Variants in FRY observed in about 807,000 individuals in gnomAD.
FRY encodes the protein protein furry homolog.
A neutral mutation model predicts 348.4 loss-of-function variants in FRY; 128 were observed. That is an observed-to-expected ratio of 0.37 (90% CI 0.32 to 0.43). The LOEUF is 0.43. FRY is among the 20% of genes least tolerant of loss of function. The pLI is 1.00. For missense variants in FRY, 2,736 were observed against 3,695.2 expected (o/e 0.74, Z 6.73); for synonymous variants, 1,370 against 1,374.7 (o/e 1.00, Z 0.08).
intron 35 of FRY, 79 bp downstream of exon 35, chr13:32,212,461 G>C (rs1212130334): frequency 3.3e-6 from 3 of 900,082 alleles, no homozygotes; most frequent in East Asian, 5.3e-5. Flanking sequence ...CAGGTTTGTG[G>C]AGTTTCATAA....
At chr13:32,034,354 G>C (rs982086010) in intron 1 of FRY, among the ~76,000 whole-genome samples, 1 of 152,134 alleles carries the variant, frequency 6.6e-6, no homozygotes, top group African/African-American at 2.4e-5. Flanking sequence ...CCAATAAATA[G>C]ATCAGTCGCT....
At chr13:32,269,081 G>C (rs1888087394) in intron 55 of FRY, among the ~76,000 whole-genome samples, 1 of 152,132 alleles carries the variant, frequency 6.6e-6, no homozygotes, top group African/African-American at 2.4e-5. Flanking sequence ...CAATAATTTA[G>C]TTGGACTGAG....
At chr13:32,048,704 T>C (rs1873159509) in intron 1 of FRY, among the ~76,000 whole-genome samples, 1 of 152,208 alleles carries the variant, frequency 6.6e-6, no homozygotes, top group African/African-American at 2.4e-5. Flanking sequence ...TTTAATTCTT[T>C]ACTCACAAGG....
In FRY at chr13:32,173,409, G is replaced by T; in HGVS notation, c.2194G>T (p.Gly732Cys). The change falls in exon 19 of 61, where the codon GGT (glycine) becomes TGT (cysteine). Residue 732 changes from glycine (G) to cysteine (C), a missense_variant. Gly to Cys is a radical substitution (Grantham distance 159, BLOSUM62 -3). Transcript: ENST00000542859. ...CAGTCACAGAATTCAGTCGGAACGAGGTCCCCACTGCAGTGTACTCCACGC... is the reference window on the plus strand; with the variant it reads ...CAGTCACAGAATTCAGTCGGAACGATGTCCCCACTGCAGTGTACTCCACGC... The part of the protein sequence containing the change: ...GSSHRIQSER[G>C]PHCSVLHAVE... 6.2e-7 allele frequency: 1 copy of T among 1,612,358 alleles called. No homozygotes were observed. Among genetic ancestry groups the T allele is most frequent in the Non-Finnish European group, 8.5e-7 (1 of 1,179,762 alleles).
At chr13:32,035,472 G>A (rs1333657304) in intron 1 of FRY, among the ~76,000 whole-genome samples, 3 of 152,164 alleles carry the variant, frequency 2.0e-5, no homozygotes, top group Non-Finnish European at 2.9e-5. Context: ...AGGTTTGCTA[G>A]AGAACAAGTT....
At chr13:32,247,293 T>C (rs762588947) in intron 47 of FRY, 30 bp from the exon 48 acceptor site, 9 of 1,575,590 alleles carry the variant, frequency 5.7e-6, no homozygotes, top group Non-Finnish European at 7.9e-6. Flanking sequence ...TTAAATTATT[T>C]TTAACCCTTG....
intron 54 of FRY, among the ~76,000 whole-genome samples, chr13:32,266,740 T>A (rs1213708209): frequency 6.6e-6 from 1 of 152,152 alleles, no homozygotes; most frequent in Non-Finnish European, 1.5e-5. Flanking sequence ...TCCTGCCACT[T>A]TGGGAGGCCG....
At chr13:32,084,578 T>C (rs1875730225) in intron 2 of FRY, among the ~76,000 whole-genome samples, 2 of 152,228 alleles carry the variant, frequency 1.3e-5, no homozygotes, top group South Asian at 4.1e-4. Context: ...AAACAACTTA[T>C]ACGTATCTGC....
At chr13:32,192,075 G>A (rs1883369158) in intron 28 of FRY, among the ~76,000 whole-genome samples, 1 of 152,160 alleles carries the variant, frequency 6.6e-6, no homozygotes, top group African/African-American at 2.4e-5. Flanking sequence ...GTTTAAGAGA[G>A]TGCCCAGGGG....
chr13:32,220,771 T>A (rs561933927), intron 36 of FRY, among the ~76,000 whole-genome samples: 10 of 152,356 alleles, frequency 6.6e-5, no homozygotes, highest in African/African-American at 2.4e-4. Flanking sequence ...ATTTACTTTT[T>A]AATTCTTCAA....
chr13:32,072,508 T>C (rs1874730804), intron 1 of FRY, among the ~76,000 whole-genome samples: 1 of 152,186 alleles, frequency 6.6e-6, no homozygotes, highest in East Asian at 1.9e-4. Context: ...GTTTGGTTGT[T>C]TCTTTTTCTT....
chr13:32,239,138 T>A lies in FRY; in HGVS notation c.6419-114T>A, dbSNP rs1488565048. ...TGTGTTAGATCATGTTTAAGCTGAT[T>A]CAAAAAACTGCTTTTGCATCACCTC... On this transcript the variant is annotated intron_variant, in intron 44 of 60. Coordinates refer to ENST00000542859, the MANE Select transcript of FRY (RefSeq NM_023037.3). This position sits in a 1 kb window ranked among gnomAD's most constrained non-coding sequence, Gnocchi z 4.3. The A allele has an allele frequency of 1.3e-6, 1 of 754,526 alleles. No individual in the cohort carries two copies. Among genetic ancestry groups the A allele is most frequent in the Non-Finnish European group, 2.4e-6 (1 of 415,764 alleles). 46.7% of individuals were successfully genotyped at this position (754,526 alleles called of 1,614,324 possible). A position where few individuals can be genotyped will look rare whatever the true frequency, so the allele number is the denominator to read the frequency against.
At chr13:32,110,904 A>G (rs1051002496) in intron 3 of FRY, among the ~76,000 whole-genome samples, 1 of 152,218 alleles carries the variant, frequency 6.6e-6, no homozygotes, top group African/African-American at 2.4e-5. Flanking sequence ...CAGAATTCAG[A>G]TCCTTATTGT....
At chr13:32,201,816 G>A (rs999600325) in intron 29 of FRY, 125 bp from the exon 30 acceptor site, 34 of 695,902 alleles carry the variant, frequency 4.9e-5, no homozygotes, top group Admixed American at 2.3e-4. Flanking sequence ...ATGGCCAGAC[G>A]GGGGTAAGAA....
intron 2 of FRY, chr13:32,086,115 G>A (rs750879950): frequency 1.1e-4 from 45 of 407,592 alleles, no homozygotes; most frequent in Admixed American, 1.1e-3. Context: ...GTTCTTGAGA[G>A]TAGGGGTCTC....
At chr13:32,127,464 G>A (rs1406651565) in intron 7 of FRY, among the ~76,000 whole-genome samples, 4 of 152,090 alleles carry the variant, frequency 2.6e-5, no homozygotes, top group African/African-American at 9.7e-5. Flanking sequence ...TAAGTAACAT[G>A]TTTATATCAT....
intron 1 of FRY, among the ~76,000 whole-genome samples, chr13:32,054,358 A>T (rs1292963330): frequency 6.6e-6 from 1 of 152,154 alleles, no homozygotes; most frequent in Non-Finnish European, 1.5e-5. Context: ...TTATCAAGTG[A>T]TCATTTTTTT....
At chr13:32,241,138 A>C (rs961637064) in intron 46 of FRY, among the ~76,000 whole-genome samples, 1 of 152,230 alleles carries the variant, frequency 6.6e-6, no homozygotes, top group Non-Finnish European at 1.5e-5. Flanking sequence ...GCAAGCACAC[A>C]CACACCTCAG....
intron 41 of FRY, among the ~76,000 whole-genome samples, chr13:32,231,701 G>A (rs989459442): frequency 6.6e-6 from 1 of 152,124 alleles, no homozygotes; most frequent in East Asian, 1.9e-4. Flanking sequence ...GTGATAAAAT[G>A]TTTTTGGCTT....
Sources: gnomAD v4.1 joint callset for allele counts (sites outside exome capture counted in the v4.1 genomes callset) on GRCh38, gnomAD v4.1.1 for gene constraint, Gnocchi (gnomAD v3.1) non-coding constraint, MANE v1.5 for transcripts, NCBI Gene and HGNC (gene_info 2026-07-23, HGNC 2026-07-21) for gene names.